PGCKA1: variants seen among roughly 807,000 people sequenced by gnomAD.
The protein encoded by PGCKA1 is PDCD10 and GCKIII kinases-associated protein 1.
chr4:37,570,306 ATAATCTTTCAAGTTCTC>A, the PGCKA1 span, among the ~76,000 whole-genome samples: 335 of 151,678 alleles, frequency 2.2e-3, 1 homozygote, highest in African/African-American at 7.8e-3. Flanking sequence ...CTGTCTGCAT[ATAATCTTTCAAGTTCTC>A]TAAAATAACA....
At chr4:37,486,713 A>C in the PGCKA1 span, among the ~76,000 whole-genome samples, 7 of 152,104 alleles carry the variant, frequency 4.6e-5, no homozygotes, top group East Asian at 7.7e-4. Context: ...CCTTTTTGGG[A>C]CTTTCAGTGT....
At chr4:37,525,431 C>T in the PGCKA1 span, among the ~76,000 whole-genome samples, 2 of 152,138 alleles carry the variant, frequency 1.3e-5, no homozygotes, top group Non-Finnish European at 2.9e-5. Context: ...AGCCACTCTC[C>T]AACGTAGTCC....
At chr4:37,456,578 C>T in the PGCKA1 span, among the ~76,000 whole-genome samples, 1 of 152,160 alleles carries the variant, frequency 6.6e-6, no homozygotes, top group Non-Finnish European at 1.5e-5. Context: ...ATCAGAAGTG[C>T]TGAACTCTGT....
At chr4:37,473,350 G>A in the PGCKA1 span, among the ~76,000 whole-genome samples, 1 of 151,950 alleles carries the variant, frequency 6.6e-6, no homozygotes, top group African/African-American at 2.4e-5. Flanking sequence ...AATATGATTA[G>A]CCTTGTGATT....
chr4:37,460,603 T>A, the PGCKA1 span: 2 of 452,578 alleles, frequency 4.4e-6, no homozygotes, highest in African/African-American at 2.0e-5. Flanking sequence ...GAGCTTTTTT[T>A]ATATGTTTGT....
the PGCKA1 span, among the ~76,000 whole-genome samples, chr4:37,593,104 G>T: frequency 6.6e-6 from 1 of 152,158 alleles, no homozygotes; most frequent in Non-Finnish European, 1.5e-5. Flanking sequence ...TAAAGTCTTG[G>T]CATTGTTAAT....
the PGCKA1 span, among the ~76,000 whole-genome samples, chr4:37,509,569 G>C: frequency 4.6e-5 from 7 of 151,894 alleles, no homozygotes; most frequent in Admixed American, 3.9e-4. Flanking sequence ...GTGGCGGCCG[G>C]GCAGAGGCTG....
At chr4:37,518,090 C>T in the PGCKA1 span, among the ~76,000 whole-genome samples, 1 of 152,220 alleles carries the variant, frequency 6.6e-6, no homozygotes, top group Admixed American at 6.5e-5. Flanking sequence ...CAAATTACTG[C>T]ATCTCATTCT....
At chr4:37,516,534 C>T in the PGCKA1 span, among the ~76,000 whole-genome samples, 1 of 152,066 alleles carries the variant, frequency 6.6e-6, no homozygotes, top group South Asian at 2.1e-4. Flanking sequence ...GAGTTCTAAT[C>T]CTTCTCTCTC....
the PGCKA1 span, among the ~76,000 whole-genome samples, chr4:37,486,048 T>G: frequency 1.3e-5 from 2 of 152,230 alleles, no homozygotes; most frequent in Non-Finnish European, 2.9e-5. Context: ...TATGTCTTTG[T>G]TCAAGGTAGA....
At chr4:37,548,845 G>A in the PGCKA1 span, among the ~76,000 whole-genome samples, 1 of 152,230 alleles carries the variant, frequency 6.6e-6, no homozygotes, top group East Asian at 1.9e-4. Context: ...AGATGCAAAT[G>A]TCTGGTTGAA....
chr4:37,572,225 G>A, the PGCKA1 span, among the ~76,000 whole-genome samples: 4 of 151,244 alleles, frequency 2.6e-5, no homozygotes. Flanking sequence ...ACTACGCCCG[G>A]CTAATTTTTT....
chr4:37,551,727 G>A, the PGCKA1 span, among the ~76,000 whole-genome samples: 16 of 152,252 alleles, frequency 1.1e-4, no homozygotes, highest in African/African-American at 2.6e-4. Flanking sequence ...TTTAGAAGGT[G>A]GTTCCCAGCA....
the PGCKA1 span, among the ~76,000 whole-genome samples, chr4:37,568,636 G>A: frequency 1.8e-4 from 27 of 152,340 alleles, no homozygotes; most frequent in African/African-American, 5.3e-4. Flanking sequence ...GAGTGTGGAC[G>A]TAGGACCCAG....
chr4:37,583,054 T>C, the PGCKA1 span, among the ~76,000 whole-genome samples: 2 of 152,218 alleles, frequency 1.3e-5, no homozygotes, highest in Non-Finnish European at 2.9e-5. Context: ...TTATGTATCT[T>C]AGTGTGGACT....
the PGCKA1 span, among the ~76,000 whole-genome samples, chr4:37,535,061 A>G: frequency 1.3e-5 from 2 of 152,236 alleles, no homozygotes; most frequent in Admixed American, 6.5e-5. Context: ...GTTCAGAACT[A>G]GGACAACTAA....
At chr4:37,582,404 A>T in the PGCKA1 span, among the ~76,000 whole-genome samples, 1 of 152,202 alleles carries the variant, frequency 6.6e-6, no homozygotes, top group Non-Finnish European at 1.5e-5. Context: ...GTTCAAAAGC[A>T]GGTAATTCAC....
At chr4:37,546,288 C>T in the PGCKA1 span, among the ~76,000 whole-genome samples, 1 of 152,168 alleles carries the variant, frequency 6.6e-6, no homozygotes, top group Non-Finnish European at 1.5e-5. Flanking sequence ...AGACAGGCAG[C>T]CTGGCGCCAG....
chr4:37,530,015 G>C, the PGCKA1 span, among the ~76,000 whole-genome samples: 1 of 152,124 alleles, frequency 6.6e-6, no homozygotes, highest in Non-Finnish European at 1.5e-5. Flanking sequence ...AGTGGGGTAG[G>C]TAAAGGATCA....
Sources: gnomAD v4.1 joint callset for allele counts (sites outside exome capture counted in the v4.1 genomes callset) on GRCh38, gnomAD v4.1.1 for gene constraint, MANE v1.5 for transcripts, NCBI Gene and HGNC (gene_info 2026-07-23, HGNC 2026-07-21) for gene names.